SARAF: variants seen among roughly 807,000 people sequenced by gnomAD.
SARAF encodes the protein store-operated calcium entry associated regulatory factor.
In SARAF, 23 loss-of-function variants were observed where a neutral mutation model predicts 39.7. That is an observed-to-expected ratio of 0.58 (90% CI 0.42 to 0.82). The LOEUF (loss-of-function observed/expected upper bound fraction) is 0.82. Ranked by LOEUF, SARAF falls within the 40% of genes least tolerant of loss-of-function variation. The pLI is 0.00. For synonymous variants in SARAF, 175 were observed against 168.5 expected (o/e 1.04, Z -0.30); for missense variants, 384 against 418.5 (o/e 0.92, Z 0.72).
chr8:30,079,194 T>C (rs1372773719), intron 1 of SARAF, among the ~76,000 whole-genome samples: 1 of 135,546 alleles, frequency 7.4e-6, no homozygotes, highest in African/African-American at 2.7e-5. Context: ...ATAATCAAAA[T>C]AGTAGGGAAT....
chr8:30,074,872 T>G (rs560900073), intron 1 of SARAF, among the ~76,000 whole-genome samples: 8 of 152,342 alleles, frequency 5.3e-5, no homozygotes, highest in African/African-American at 1.9e-4. Context: ...TTTAAATACT[T>G]TAGGTATTTC....
intron 1 of SARAF, among the ~76,000 whole-genome samples, chr8:30,081,948 C>A (rs1037104190): frequency 1.3e-5 from 2 of 150,510 alleles, no homozygotes; most frequent in South Asian, 2.1e-4. Flanking sequence ...CTAAAAAAAA[C>A]CGAGAAAATT....
At position 30,064,547 on chromosome 8, in the gene SARAF, A is replaced by ATTTTTTTTTTTTT. The variant is rs1319036441; in HGVS notation, c.995-635_995-634insAAAAAAAAAAAAA. 1.4e-4 allele frequency among the ~76,000 whole-genome samples: 5 copies of ATTTTTTTTTTTTT among 37,010 alleles called. 1 individual carries two copies. The highest frequency in any genetic ancestry group is 2.5e-4 in the Non-Finnish European group (5 of 20,262). 24.3% of individuals were successfully genotyped at this position (37,010 alleles called of 152,430 possible). Reference sequence around the variant, plus strand: ...GTCTTACCTAGCCATATATATATATATATATATATATATATTTTTTTTTTT... The same window carrying ATTTTTTTTTTTTT: ...GTCTTACCTAGCCATATATATATATATTTTTTTTTTTTTTATATATATATATATTTTTTTTTTT... On this transcript the variant is annotated intron_variant, in intron 5 of 5. Coordinates refer to ENST00000256255, the MANE Select transcript of SARAF (RefSeq NM_016127.6).
intron 2 of SARAF, among the ~76,000 whole-genome samples, chr8:30,070,470 A>AT (rs1801813784): frequency 6.6e-6 from 1 of 152,232 alleles, no homozygotes; most frequent in African/African-American, 2.4e-5. Flanking sequence ...AAGCAAGGGA[A>AT]TGATCCGCAA....
intron 3 of SARAF, among the ~76,000 whole-genome samples, chr8:30,067,597 T>C (rs1162217958): frequency 6.6e-6 from 1 of 152,174 alleles, no homozygotes; most frequent in African/African-American, 2.4e-5. Flanking sequence ...CTTACCATAT[T>C]TTAATTCTGT....
intron 1 of SARAF, chr8:30,078,208 T>C: frequency 2.9e-6 from 1 of 343,596 alleles, no homozygotes; most frequent in Admixed American, 4.0e-5. Flanking sequence ...AGAAAGAAAA[T>C]TACCAGTTCA....
intron 2 of SARAF, among the ~76,000 whole-genome samples, chr8:30,071,578 T>G (rs966777706): frequency 6.6e-6 from 1 of 152,228 alleles, no homozygotes; most frequent in African/African-American, 2.4e-5. Flanking sequence ...TTAGAATATT[T>G]TCGTCACCCC....
At chr8:30,075,792 A>G (rs972647593) in intron 1 of SARAF, among the ~76,000 whole-genome samples, 31 of 152,250 alleles carry the variant, frequency 2.0e-4, no homozygotes, top group African/African-American at 7.2e-4. Context: ...TACTAAAACT[A>G]TAATAAATAC....
chr8:30,064,555 A>ATTT (rs1402020823), intron 5 of SARAF, among the ~76,000 whole-genome samples: 10 of 52,508 alleles, frequency 1.9e-4, no homozygotes, highest in South Asian at 9.3e-4. Flanking sequence ...ATATATATAT[A>ATTT]TATATATTTT....
intron 1 of SARAF, among the ~76,000 whole-genome samples, chr8:30,080,189 T>G (rs1802065530): frequency 6.6e-6 from 1 of 152,242 alleles, no homozygotes; most frequent in Non-Finnish European, 1.5e-5. Flanking sequence ...AGCTCTCTAC[T>G]GCTCCTGCCC....
At chr8:30,070,472 G>T (rs910039008) in intron 2 of SARAF, among the ~76,000 whole-genome samples, 44 of 152,276 alleles carry the variant, frequency 2.9e-4, no homozygotes, top group Admixed American at 2.9e-3. Flanking sequence ...GCAAGGGAAT[G>T]ATCCGCAAAA....
intron 2 of SARAF, among the ~76,000 whole-genome samples, chr8:30,070,772 A>G (rs1397350021): frequency 6.6e-6 from 1 of 152,240 alleles, no homozygotes; most frequent in Non-Finnish European, 1.5e-5. Context: ...ACAGCATCAT[A>G]TATGAATGTC....
chr8:30,079,616 G>T (rs1212389856), intron 1 of SARAF, among the ~76,000 whole-genome samples: 1 of 152,136 alleles, frequency 6.6e-6, no homozygotes, highest in East Asian at 1.9e-4. Context: ...GAACTAAGTT[G>T]GTGTCACTAA....
At chr8:30,070,131 C>T (rs1005538712) in intron 2 of SARAF, 72 bp from the exon 3 acceptor site, 44 of 1,384,610 alleles carry the variant, frequency 3.2e-5, no homozygotes, top group Non-Finnish European at 4.1e-5. Flanking sequence ...ACTTGGGGGC[C>T]GGGCGCAGTG....
At chr8:30,074,685 T>C (rs1188105010) in intron 1 of SARAF, among the ~76,000 whole-genome samples, 1 of 152,140 alleles carries the variant, frequency 6.6e-6, no homozygotes, top group Non-Finnish European at 1.5e-5. Flanking sequence ...TGGGAAGGAT[T>C]TAACACCAAA....
At chr8:30,075,685 G>A (rs1440939876) in intron 1 of SARAF, among the ~76,000 whole-genome samples, 2 of 152,090 alleles carry the variant, frequency 1.3e-5, no homozygotes, top group African/African-American at 4.8e-5. Context: ...TTTCAATGTG[G>A]CAGATGTAAT....
At position 30,063,814 on chromosome 8, in the gene SARAF, T is replaced by C. The variant is rs1183991744; in HGVS notation, c.*74A>G. On this transcript the variant is annotated 3_prime_UTR_variant, in exon 6 of 6. Transcript: ENST00000256255. ...CCTTTTCCCAATTGTTAACAGGTAG[T>C]ACTTTTTTTCTAAAGAGAAAGTGAT... is the stretch of plus-strand genomic sequence containing the variant. The C allele has an allele frequency of 1.6e-6, 2 of 1,260,708 alleles. No homozygotes were observed. Among genetic ancestry groups the C allele is most frequent in the Non-Finnish European group, 2.3e-6 (2 of 858,738 alleles). The allele number at this position is 1,260,708 out of a possible 1,614,324, so 78.1% of individuals were successfully genotyped here.
At chr8:30,066,971 A>T in intron 3 of SARAF, 53 bp from the exon 4 acceptor site, 1 of 1,520,716 alleles carries the variant, frequency 6.6e-7, no homozygotes, top group Non-Finnish European at 9.0e-7. Context: ...GACAGTCTAC[A>T]AAAGCAAAGA....
Position 30,082,907 on chromosome 8 carries a change from G to A in SARAF, c.43C>T (p.Leu15Phe), listed in dbSNP as rs1299393014. Residue 15 changes from leucine to phenylalanine, a missense_variant, in exon 1 of 6, where the codon CTC (leucine) becomes TTC (phenylalanine). Physicochemically the swap from Leu to Phe is conservative, Grantham distance 22. Transcript: ENST00000256255. ...AGCAGAAACAAATGCAAGCCGAGGA[G>A]CAAGCAGTACCCGGCCGCTCCCGGC... is the stretch of plus-strand genomic sequence containing the variant. ...CGPGAAGYCLLLGLHLFLLTA... is the reference protein window; with the variant it reads ...CGPGAAGYCLFLGLHLFLLTA... 2.6e-6 allele frequency: 4 copies of A among 1,560,878 alleles called. No individual in the cohort carries two copies. Among genetic ancestry groups the A allele is most frequent in the South Asian group, 1.2e-5 (1 of 84,806 alleles).
Sources: allele counts gnomAD v4.1 joint callset (sites outside exome capture counted in the v4.1 genomes callset), GRCh38; gene constraint gnomAD v4.1.1; transcripts MANE v1.5; gene names NCBI Gene and HGNC (gene_info 2026-07-23, HGNC 2026-07-21).